KCNIP4: variants seen among roughly 807,000 people sequenced by gnomAD.
The protein encoded by KCNIP4 is potassium voltage-gated channel interacting protein 4.
KCNIP4 carries 12 observed loss-of-function variants against 34.0 expected under a neutral mutation model. The ratio of observed to expected loss-of-function variants is 0.35; its 90% CI spans 0.23 to 0.57. The LOEUF (loss-of-function observed/expected upper bound fraction) is 0.57, where lower values mean the gene tolerates loss of function less well. Among genes scored for constraint, KCNIP4 ranks in the 20% least tolerant of loss-of-function variants. The pLI is 0.83. For missense variants in KCNIP4, 238 were observed against 311.7 expected, an observed-to-expected ratio of 0.76 and a Z score of 1.78; for synonymous variants, 124 against 102.2, an observed-to-expected ratio of 1.21 and a Z score of -1.29.
rs190046347 is a variant in KCNIP4, at chr4:20,799,816, C to G, written c.289-40926G>C. ...TCTGAATTGTAGCTGTGCACTGTTC[C>G]GTGAGGATTTAGTCTCTGGAAAATC... is the stretch of plus-strand genomic sequence containing the variant. On this transcript the variant is annotated intron_variant, in intron 3 of 8. Coordinates refer to ENST00000382152, the MANE Select transcript of KCNIP4 (RefSeq NM_025221.6). 1.9e-3 allele frequency among the ~76,000 whole-genome samples: 284 copies of G among 152,266 alleles called. 1 individual carries two copies. The highest frequency in any genetic ancestry group is 2.1e-3 in the Non-Finnish European group (145 of 68,010).
At chr4:21,356,619 G>A (rs920170391) in intron 1 of KCNIP4, among the ~76,000 whole-genome samples, 1 of 152,042 alleles carries the variant, frequency 6.6e-6, no homozygotes. Flanking sequence ...GGGATGTGAA[G>A]GACCTCTTCA....
chr4:21,411,019 T>C (rs1724449452), intron 1 of KCNIP4, among the ~76,000 whole-genome samples: 1 of 152,014 alleles, frequency 6.6e-6, no homozygotes, highest in African/African-American at 2.4e-5. Flanking sequence ...GCAGCAGAAA[T>C]AGAGAAATAA....
chr4:21,178,063 C>T (rs1029446486), intron 1 of KCNIP4, among the ~76,000 whole-genome samples: 1 of 152,054 alleles, frequency 6.6e-6, no homozygotes, highest in Admixed American at 6.6e-5. Context: ...CTATTAAAGC[C>T]TCAACCTACT....
intron 1 of KCNIP4, among the ~76,000 whole-genome samples, chr4:21,742,129 C>G (rs1463156499): frequency 6.6e-6 from 1 of 152,050 alleles, no homozygotes; most frequent in African/African-American, 2.4e-5. Context: ...CAAATTGAAA[C>G]AGCGTTATTG....
chr4:21,218,379 C>T (rs1314500021), intron 1 of KCNIP4, among the ~76,000 whole-genome samples: 3 of 152,040 alleles, frequency 2.0e-5, no homozygotes, highest in Middle Eastern at 3.4e-3. Flanking sequence ...ACACCATATA[C>T]ATTTATCTTT....
intron 1 of KCNIP4, among the ~76,000 whole-genome samples, chr4:21,556,198 A>G (rs922040875): frequency 6.6e-6 from 1 of 152,104 alleles, no homozygotes; most frequent in African/African-American, 2.4e-5. Context: ...TTCGAGTTGG[A>G]AGAGCAATTT....
intron 5 of KCNIP4, among the ~76,000 whole-genome samples, chr4:20,744,245 A>C (rs1298354644): frequency 3.3e-5 from 5 of 152,214 alleles, no homozygotes; most frequent in Non-Finnish European, 7.3e-5. Flanking sequence ...TTGACCCAGC[A>C]ATCCCATTAC....
intron 1 of KCNIP4, among the ~76,000 whole-genome samples, chr4:20,938,964 A>G (rs897777433): frequency 3.9e-5 from 6 of 152,218 alleles, no homozygotes; most frequent in Non-Finnish European, 7.4e-5. Flanking sequence ...CCAACTAAAA[A>G]TGATTTTACC....
chr4:21,342,297 T>C (rs1486964298), intron 1 of KCNIP4, among the ~76,000 whole-genome samples: 1 of 151,988 alleles, frequency 6.6e-6, no homozygotes, highest in Non-Finnish European at 1.5e-5. Context: ...GACAAAAGAA[T>C]AGATTCATCC....
At chr4:21,071,631 AT>A (rs1182694847) in intron 1 of KCNIP4, among the ~76,000 whole-genome samples, 35 of 151,780 alleles carry the variant, frequency 2.3e-4, no homozygotes, top group African/African-American at 3.4e-4. Flanking sequence ...GATTTTATTT[AT>A]TTTTTTATCT....
chr4:21,437,556 A>G (rs146127664), intron 1 of KCNIP4, among the ~76,000 whole-genome samples: 2 of 152,280 alleles, frequency 1.3e-5, no homozygotes, highest in African/African-American at 4.8e-5. Context: ...CCACTGTCTC[A>G]GGCCCAGCAA....
chr4:21,713,648 T>C (rs1416868440), intron 1 of KCNIP4, among the ~76,000 whole-genome samples: 1 of 152,200 alleles, frequency 6.6e-6, no homozygotes, highest in East Asian at 1.9e-4. Context: ...ATATACAACA[T>C]ATTCTTGTTC....
intron 3 of KCNIP4, among the ~76,000 whole-genome samples, chr4:20,782,304 C>G (rs1375888701): frequency 6.6e-6 from 1 of 152,104 alleles, no homozygotes; most frequent in Admixed American, 6.5e-5. Context: ...GATGGTGGCC[C>G]TCTTCTCACA....
intron 1 of KCNIP4, among the ~76,000 whole-genome samples, chr4:21,087,941 C>A (rs1170949335): frequency 6.6e-6 from 1 of 152,162 alleles, no homozygotes; most frequent in Non-Finnish European, 1.5e-5. Context: ...CCTTCTCACT[C>A]AATATAATGT....
At chr4:21,520,746 A>C (rs1735451872) in intron 1 of KCNIP4, among the ~76,000 whole-genome samples, 2 of 152,116 alleles carry the variant, frequency 1.3e-5, no homozygotes, top group Admixed American at 1.3e-4. Context: ...CTGCCTGCCC[A>C]CCTGAGAAAA....
chr4:21,399,659 CTTT>C (rs11317039), intron 1 of KCNIP4, among the ~76,000 whole-genome samples: 14 of 140,808 alleles, frequency 9.9e-5, no homozygotes, highest in Non-Finnish European at 1.3e-4. Flanking sequence ...CAGTGAATAA[CTTT>C]TTTTTTTTTT....
intron 1 of KCNIP4, among the ~76,000 whole-genome samples, chr4:21,214,964 C>G (rs980816844): frequency 2.0e-5 from 3 of 152,090 alleles, no homozygotes; most frequent in Admixed American, 6.6e-5. Context: ...GCACAAAACC[C>G]AAATATCAGG....
chr4:21,656,242 T>A (rs1483677308), intron 1 of KCNIP4, among the ~76,000 whole-genome samples: 1 of 152,176 alleles, frequency 6.6e-6, no homozygotes, highest in African/African-American at 2.4e-5. Context: ...CAGGTCCACA[T>A]GGCATCCCTC....
intron 1 of KCNIP4, among the ~76,000 whole-genome samples, chr4:21,112,246 G>T (rs1024273058): frequency 3.9e-5 from 6 of 152,072 alleles, no homozygotes; most frequent in African/African-American, 1.2e-4. Flanking sequence ...TATTTTTAAG[G>T]ATCTATCTTC....
Sources: gnomAD v4.1 joint callset for allele counts (sites outside exome capture counted in the v4.1 genomes callset) on GRCh38, gnomAD v4.1.1 for gene constraint, MANE v1.5 for transcripts, NCBI Gene and HGNC (gene_info 2026-07-23, HGNC 2026-07-21) for gene names.